The following RAPGEF2 variants were observed in gnomAD, a reference collection of about 807,000 sequenced individuals.
The protein encoded by RAPGEF2 is PDZ domain containing guanine nucleotide exchange factor (GEF) 1.
Under a neutral mutation model 186.7 loss-of-function variants are expected in RAPGEF2, and 54 were observed. The observed-to-expected ratio is 0.29, with a 90% CI of 0.23 to 0.36. The LOEUF is 0.36. RAPGEF2 is among the 10% of genes least tolerant of loss of function. The pLI is 1.00. For synonymous variants in RAPGEF2, 712 were observed against 705.9 expected, an observed-to-expected ratio of 1.01 and a Z score of -0.14; for missense variants, 1,532 against 2,045.0, an observed-to-expected ratio of 0.75 and a Z score of 4.84.
intron 1 of RAPGEF2, among the ~76,000 whole-genome samples, chr4:159,140,231 G>A (rs183399129): frequency 3.0e-4 from 45 of 152,270 alleles, no homozygotes; most frequent in African/African-American, 1.1e-3. Flanking sequence ...TTTTAGTGTA[G>A]TTAAATATGG....
chr4:159,336,021 A>T (rs1767368548), intron 17 of RAPGEF2, among the ~76,000 whole-genome samples: 1 of 151,936 alleles, frequency 6.6e-6, no homozygotes, highest in Non-Finnish European at 1.5e-5. Flanking sequence ...ATAAAATTCC[A>T]CTAACGTAAA....
chr4:159,204,701 C>T (rs1010532418), intron 3 of RAPGEF2, among the ~76,000 whole-genome samples: 16 of 152,204 alleles, frequency 1.1e-4, no homozygotes, highest in African/African-American at 2.4e-4. Flanking sequence ...TTGTGACTTC[C>T]GTTTTGTCCA....
At chr4:159,107,068 G>A (rs1737965772) in intron 1 of RAPGEF2, among the ~76,000 whole-genome samples, 1 of 152,188 alleles carries the variant, frequency 6.6e-6, no homozygotes, top group Non-Finnish European at 1.5e-5. Flanking sequence ...GTGAGAGGAG[G>A]AGGAAAACTC....
Position 159,104,085 on chromosome 4 carries a change from G to A in RAPGEF2, c.-78G>A. 1 of 941,782 alleles carries A rather than the reference G, an allele frequency of 1.1e-6. No homozygotes were observed. Among genetic ancestry groups the A allele is most frequent in the Non-Finnish European group, 1.4e-6 (1 of 716,410 alleles). The allele number at this position is 941,782 out of a possible 1,614,324, so 58.3% of individuals were successfully genotyped here. A position where few individuals can be genotyped will look rare whatever the true frequency, so the allele number is the denominator to read the frequency against. The stretch of plus-strand genomic sequence containing the variant: ...CGGGCGGGCGGGCGCAGCGCGCAGG[G>A]CGGAGGCAGCAGCGGCGCTGGGCCG... On this transcript the variant is annotated 5_prime_UTR_variant, in exon 1 of 30. Transcript: ENST00000691494.
intron 8 of RAPGEF2, among the ~76,000 whole-genome samples, chr4:159,312,775 A>G (rs1764101118): frequency 1.3e-5 from 2 of 152,222 alleles, no homozygotes; most frequent in African/African-American, 4.8e-5. Context: ...ACATGCTTGT[A>G]TTATTTCAAA....
chr4:159,143,296 G>GT (rs1033239843), intron 1 of RAPGEF2, among the ~76,000 whole-genome samples: 1 of 151,692 alleles, frequency 6.6e-6, no homozygotes. Context: ...AAAAAACTTT[G>GT]TTTTTTTCTT....
At chr4:159,253,865 G>T (rs1273803353) in intron 7 of RAPGEF2, among the ~76,000 whole-genome samples, 4 of 152,174 alleles carry the variant, frequency 2.6e-5, no homozygotes, top group African/African-American at 9.7e-5. Context: ...CTACTCGGGA[G>T]GCTGAGGCAG....
rs758146763 is a variant in RAPGEF2 at position 159,268,143 on chromosome 4, A to G, written c.543+24352A>G. The G allele has an allele frequency of 3.7e-6, 6 of 1,613,100 alleles. No individual in the cohort carries two copies. In the African/African-American group the frequency reaches 8.0e-5, roughly 22 times the overall value. On this transcript the variant is annotated intron_variant, in intron 7 of 29. Coordinates refer to ENST00000691494, the MANE Select transcript of RAPGEF2 (RefSeq NM_001394067.2). Reference sequence around the variant, plus strand: ...ATGATGTGTAAATTCAGTTCAGCATATGTTTCTTCATTATGAAACCACTAG... The same window carrying G: ...ATGATGTGTAAATTCAGTTCAGCATGTGTTTCTTCATTATGAAACCACTAG...
intron 7 of RAPGEF2, among the ~76,000 whole-genome samples, chr4:159,244,432 A>G (rs928068679): frequency 3.3e-5 from 5 of 151,978 alleles, no homozygotes; most frequent in African/African-American, 4.8e-5. Flanking sequence ...TGATGCCAGT[A>G]CATGACTAAG....
rs1163976992 is a variant in RAPGEF2 at position 159,359,308 on chromosome 4, G to A, written c.*1169G>A. The A allele has an allele frequency of 6.6e-6, 1 of 152,114 alleles. No homozygotes were observed. Among genetic ancestry groups the A allele is most frequent in the African/African-American group, 2.4e-5 (1 of 41,422 alleles). 9.4% of individuals were successfully genotyped at this position (152,114 alleles called of 1,614,324 possible). A position where few individuals can be genotyped will look rare whatever the true frequency, so the allele number is the denominator to read the frequency against. ...AGGGAATAAACAAGCCTTTAAACGTGATAAAAGATCAAAAACCTGGTTAGA... is the reference window on the plus strand; with the variant it reads ...AGGGAATAAACAAGCCTTTAAACGTAATAAAAGATCAAAAACCTGGTTAGA... On this transcript the variant is annotated 3_prime_UTR_variant, in exon 30 of 30. Transcript: ENST00000691494.
At chr4:159,189,993 A>G (rs1747950797) in intron 2 of RAPGEF2, among the ~76,000 whole-genome samples, 1 of 152,142 alleles carries the variant, frequency 6.6e-6, no homozygotes, top group Non-Finnish European at 1.5e-5. Context: ...AGTATGCTGG[A>G]CATGATGAGG....
rs1731441279 is a variant in RAPGEF2 at position 159,353,148 on chromosome 4, A to G, written c.4091+238A>G. ...AACACAGTTGTTCTGTGCTGAAGGC[A>G]GAGGGTGACTGTAGGATCCATCCCA... On this transcript the variant is annotated intron_variant, in intron 27 of 29. Coordinates refer to ENST00000691494, the MANE Select transcript of RAPGEF2 (RefSeq NM_001394067.2). This position sits in a 1 kb window ranked among gnomAD's most constrained non-coding sequence, Gnocchi z 4.3. Among the ~76,000 whole-genome samples the G allele has an allele frequency of 6.6e-6, 1 of 152,204 alleles. No homozygotes were observed. Among genetic ancestry groups the G allele is most frequent in the African/African-American group, 2.4e-5 (1 of 41,456 alleles).
intron 3 of RAPGEF2, among the ~76,000 whole-genome samples, chr4:159,195,287 A>G (rs1185632865): frequency 2.6e-5 from 4 of 152,246 alleles, no homozygotes; most frequent in Non-Finnish European, 4.4e-5. Context: ...TGGAATGAGT[A>G]TACAAATAAC....
At chr4:159,300,155 A>G (rs1762479706) in intron 7 of RAPGEF2, among the ~76,000 whole-genome samples, 1 of 151,318 alleles carries the variant, frequency 6.6e-6, no homozygotes, top group Admixed American at 6.6e-5. Context: ...TAATACTAAT[A>G]TACTTTATGT....
intron 2 of RAPGEF2, among the ~76,000 whole-genome samples, chr4:159,187,828 G>A (rs1022341667): frequency 1.3e-5 from 2 of 152,072 alleles, no homozygotes; most frequent in African/African-American, 4.8e-5. Context: ...TGATGCCAGC[G>A]GGTTTTAATT....
At chr4:159,295,754 T>TGTGCGCGCGCGC (rs1386754001) in intron 7 of RAPGEF2, among the ~76,000 whole-genome samples, 4 of 113,934 alleles carry the variant, frequency 3.5e-5, no homozygotes, top group Non-Finnish European at 7.8e-5. Context: ...TGTGTGTGTG[T>TGTGCGCGCGCGC]GCGCGCGCGC....
chr4:159,126,284 A>G (rs1300306722), intron 1 of RAPGEF2, among the ~76,000 whole-genome samples: 1 of 152,156 alleles, frequency 6.6e-6, no homozygotes. Flanking sequence ...GAAAACACCT[A>G]TCTCCAAATT....
chr4:159,348,639 G>A (rs1730741442), intron 25 of RAPGEF2, among the ~76,000 whole-genome samples: 1 of 152,054 alleles, frequency 6.6e-6, no homozygotes, highest in African/African-American at 2.4e-5. Flanking sequence ...TCGTCTTTAT[G>A]CAGAACTTCT....
At chr4:159,218,583 C>T (rs953172904) in intron 4 of RAPGEF2, among the ~76,000 whole-genome samples, 9 of 152,074 alleles carry the variant, frequency 5.9e-5, no homozygotes, top group Admixed American at 4.6e-4. Context: ...TGGTGAAACC[C>T]CTTCTTTACT....
Sources: allele counts gnomAD v4.1 joint callset (sites outside exome capture counted in the v4.1 genomes callset), GRCh38; gene constraint gnomAD v4.1.1; non-coding constraint Gnocchi (gnomAD v3.1); transcripts MANE v1.5; gene names NCBI Gene and HGNC (gene_info 2026-07-23, HGNC 2026-07-21).